Variants in ARFGEF1 observed in about 807,000 individuals in gnomAD.
ARFGEF1 encodes ARF guanine nucleotide exchange factor 1, also known as brefeldin A-inhibited guanine nucleotide-exchange protein 1.
Under a neutral mutation model 231.0 loss-of-function variants are expected in ARFGEF1, and 42 were observed. The ratio of observed to expected loss-of-function variants is 0.18; its 90% confidence interval spans 0.14 to 0.24. The LOEUF is 0.24. Among genes scored for constraint, ARFGEF1 ranks in the 10% least tolerant of loss-of-function variants. The pLI, the probability that ARFGEF1 is intolerant of heterozygous loss-of-function variation, is 1.00. For synonymous variants in ARFGEF1, 710 were observed against 732.3 expected (o/e 0.97, Z 0.49); for missense variants, 1,345 against 2,192.0 (o/e 0.61, Z 7.72).
Position 67,198,802 on chromosome 8 carries a change from C to A in ARFGEF1, c.*132G>T. On this transcript the variant is annotated 3_prime_UTR_variant, in exon 39 of 39. Coordinates refer to ENST00000262215, the MANE Select transcript of ARFGEF1 (RefSeq NM_006421.5). ...TGGAGTGTTGCAAGTTTGAGTAAGA[C>A]TTCTAAGCATCTTTACCAGTAACTC... is the stretch of plus-strand genomic sequence containing the variant. 6.9e-7 allele frequency: 1 copy of A among 1,459,314 alleles called. No individual in the cohort carries two copies. The highest frequency in any genetic ancestry group is 9.0e-7 in the Non-Finnish European group (1 of 1,110,194). 90.4% of individuals were successfully genotyped at this position (1,459,314 alleles called of 1,614,324 possible).
At chr8:67,320,223 CAAAAAAAA>C (rs544834392) in intron 1 of ARFGEF1, among the ~76,000 whole-genome samples, 3 of 45,240 alleles carry the variant, frequency 6.6e-5, no homozygotes, top group Non-Finnish European at 8.3e-5. Context: ...AACGCTATCT[CAAAAAAAA>C]AAAAAAAAAA....
intron 19 of ARFGEF1, among the ~76,000 whole-genome samples, chr8:67,250,112 TG>T (rs1352578225): frequency 6.6e-6 from 1 of 152,234 alleles, no homozygotes; most frequent in Non-Finnish European, 1.5e-5. Context: ...GAGAGGCAGG[TG>T]GAGCCAGGTC....
At chr8:67,199,840 G>T (rs1386992555) in intron 38 of ARFGEF1, 1 of 173,622 alleles carries the variant, frequency 5.8e-6, no homozygotes, top group African/African-American at 2.4e-5. Context: ...TCTAAGAATA[G>T]AGTGTACATT....
At chr8:67,222,119 C>T (rs570614574) in intron 29 of ARFGEF1, among the ~76,000 whole-genome samples, 6 of 147,652 alleles carry the variant, frequency 4.1e-5, no homozygotes, top group African/African-American at 9.9e-5. Flanking sequence ...GCCCAGCCTA[C>T]AGGTTTTATC....
chr8:67,183,935 C>CT (rs1207353215), intron 5 of ARFGEF1, among the ~76,000 whole-genome samples: 2 of 149,386 alleles, frequency 1.3e-5, no homozygotes, highest in Non-Finnish European at 3.0e-5. Context: ...TCACTGCAAC[C>CT]TCCGCCTCCC....
Position 67,292,051 on chromosome 8 carries a change from G to T in ARFGEF1, c.712C>A (p.His238Asn), listed in dbSNP as rs370787018. Reference sequence around the variant, plus strand: ...AGTTGAGGTGATTCAGGCTCGTGATGGCTTACTGGAGACTGTAACAGATGA... The same window carrying T: ...AGTTGAGGTGATTCAGGCTCGTGATTGCTTACTGGAGACTGTAACAGATGA... ...HHHLLQSPVSHHEPESPQLRY... is the reference protein window; with the variant it reads ...HHHLLQSPVSNHEPESPQLRY... The change falls in exon 6 of 39, where the codon CAT becomes AAT. Residue 238 changes from histidine (H) to asparagine (N), a missense_variant. Physicochemically the swap from His to Asn is moderately conservative, Grantham distance 68 (BLOSUM62 1). Transcript: ENST00000262215. The T allele has an allele frequency of 5.6e-6, 9 of 1,613,760 alleles. No individual in the cohort carries two copies. Among genetic ancestry groups the T allele is most frequent in the Non-Finnish European group, 7.6e-6 (9 of 1,179,882 alleles).
chr8:67,343,337 C>T lies in ARFGEF1; in HGVS notation c.-50G>A, dbSNP rs1251041067. ...TCGTCCGACCCGCGGCTCCCAGCGG[C>T]TGGAGGGGAGGAGGAGGAGAGGAAG... On this transcript the variant is annotated 5_prime_UTR_variant, in exon 1 of 39. Coordinates refer to ENST00000262215, the MANE Select transcript of ARFGEF1 (RefSeq NM_006421.5). The T allele has an allele frequency of 1.3e-6, 2 of 1,583,232 alleles. No homozygotes were observed. The highest frequency in any genetic ancestry group is 1.7e-4 in the Middle Eastern group (1 of 5,894).
At chr8:67,225,182 T>G in intron 28 of ARFGEF1, 149 bp from the exon 29 acceptor site, 2 of 744,724 alleles carry the variant, frequency 2.7e-6, no homozygotes, top group Non-Finnish European at 3.8e-6. Context: ...ACACTATAAC[T>G]GCCTACAATT....
chr8:67,288,052 A>T lies in ARFGEF1; in HGVS notation c.930T>A (p.Asn310Lys), dbSNP rs888218708. The change falls in exon 7 of 39, where the codon AAT becomes AAA. Residue 310 changes from asparagine (N) to lysine (K), a missense_variant. By Grantham distance (94) the Asn-to-Lys change is moderately conservative (BLOSUM62 0). This residue lies in a region of ARFGEF1 where 398 missense variants were observed against 463.2 expected (regional missense o/e 0.86). Coordinates refer to ENST00000262215, the MANE Select transcript of ARFGEF1 (RefSeq NM_006421.5). ...QATAAETLSK[N>K]EVLYDGENHD... ...GGTTTTCTCCGTCATATAACACTTC[A>T]TTTTTAGATAATGCTTTAAAAGAAG... 1 of 1,593,526 alleles carries T rather than the reference A, an allele frequency of 6.3e-7. No individual in the cohort carries two copies.
chr8:67,310,748 G>A lies in ARFGEF1; in HGVS notation c.125-8282C>T, dbSNP rs1388538159. Among the ~76,000 whole-genome samples the A allele has an allele frequency of 3.7e-5, 5 of 135,580 alleles. No homozygotes were observed. In the East Asian group the frequency reaches 7.2e-4, roughly 19 times the overall value. 88.9% of individuals were successfully genotyped at this position (135,580 alleles called of 152,430 possible). On this transcript the variant is annotated intron_variant, in intron 1 of 38. Coordinates refer to ENST00000262215, the MANE Select transcript of ARFGEF1 (RefSeq NM_006421.5). The stretch of plus-strand genomic sequence containing the variant: ...GTGAGGAGCGCCTCTGCCCGGCCGC[G>A]ACCCCGTCTGGGAGGTGAGGAGCGT...
chr8:67,268,173 T>C (rs1046674972), intron 10 of ARFGEF1, among the ~76,000 whole-genome samples: 12 of 152,186 alleles, frequency 7.9e-5, no homozygotes, highest in Admixed American at 3.9e-4. Context: ...GAAAATCACA[T>C]TTATAGTATC....
intron 33 of ARFGEF1, among the ~76,000 whole-genome samples, chr8:67,214,712 T>C (rs969513322): frequency 2.0e-5 from 3 of 152,186 alleles, no homozygotes; most frequent in Non-Finnish European, 4.4e-5. Context: ...TTTAATGGCA[T>C]GGTTTCTCTT....
chr8:67,177,474 T>C (rs577377582), intron 5 of ARFGEF1, among the ~76,000 whole-genome samples: 87 of 152,248 alleles, frequency 5.7e-4, no homozygotes, highest in Non-Finnish European at 1.0e-3. Context: ...GTTATGTTCA[T>C]TCATGTGAAT....
chr8:67,245,642 CAG>C (rs1840081640), intron 19 of ARFGEF1, among the ~76,000 whole-genome samples: 1 of 149,810 alleles, frequency 6.7e-6, no homozygotes, highest in South Asian at 2.1e-4. Flanking sequence ...ATCAAACCAT[CAG>C]AGACAATAAC....
intron 5 of ARFGEF1, among the ~76,000 whole-genome samples, chr8:67,294,173 A>ATGTGTGTAG (rs1446358206): frequency 6.6e-6 from 1 of 152,154 alleles, no homozygotes; most frequent in Non-Finnish European, 1.5e-5. Flanking sequence ...TATACAGAGG[A>ATGTGTGTAG]TGTGTGTAGC....
intron 1 of ARFGEF1, among the ~76,000 whole-genome samples, chr8:67,334,591 A>G (rs1360874906): frequency 6.6e-6 from 1 of 152,264 alleles, no homozygotes; most frequent in Non-Finnish European, 1.5e-5. Flanking sequence ...CCTAGGACAA[A>G]TAACAGTTTA....
intron 14 of ARFGEF1, among the ~76,000 whole-genome samples, chr8:67,260,509 G>C (rs1001857169): frequency 1.4e-4 from 21 of 152,072 alleles, no homozygotes; most frequent in African/African-American, 5.1e-4. Flanking sequence ...TGTTGCTATT[G>C]TAATTGTTTT....
chr8:67,176,897 C>T (rs945691531), intron 5 of ARFGEF1, among the ~76,000 whole-genome samples: 1 of 151,890 alleles, frequency 6.6e-6, no homozygotes, highest in African/African-American at 2.4e-5. Context: ...TAGTGAAACC[C>T]CCGTCTCTAC....
intron 10 of ARFGEF1, among the ~76,000 whole-genome samples, chr8:67,270,635 A>G (rs1805037955): frequency 6.6e-6 from 1 of 151,904 alleles, no homozygotes; most frequent in Non-Finnish European, 1.5e-5. Flanking sequence ...AAAAGCATTC[A>G]TTAAATTGGT....
Sources: gnomAD v4.1 joint callset for allele counts (sites outside exome capture counted in the v4.1 genomes callset) on GRCh38, gnomAD v4.1.1 for gene constraint, gnomAD v4.1.1 regional missense constraint, MANE v1.5 for transcripts, NCBI Gene and HGNC (gene_info 2026-07-23, HGNC 2026-07-21) for gene names.